The following PRDM5 variants were observed in gnomAD, a reference collection of about 807,000 sequenced individuals.
PRDM5 encodes the protein PR domain zinc finger protein 5.
In PRDM5, 56 loss-of-function variants were observed where a neutral mutation model predicts 81.2. The ratio of observed to expected loss-of-function variants is 0.69; its 90% CI spans 0.56 to 0.86. The LOEUF is 0.86. PRDM5 is among the 40% of genes least tolerant of loss of function. PRDM5 has a pLI of 0.00. For missense variants in PRDM5, 697 were observed against 770.1 expected, an observed-to-expected ratio of 0.91 and a Z score of 1.12; for synonymous variants, 267 against 256.4, an observed-to-expected ratio of 1.04 and a Z score of -0.39.
intron 11 of PRDM5, among the ~76,000 whole-genome samples, chr4:120,784,395 A>G (rs1749464605): frequency 6.6e-6 from 1 of 152,142 alleles, no homozygotes; most frequent in Non-Finnish European, 1.5e-5. Context: ...AATTAATCCA[A>G]AAGAAAAAAA....
chr4:120,783,248 C>T (rs759435224), intron 11 of PRDM5, among the ~76,000 whole-genome samples: 30 of 152,038 alleles, frequency 2.0e-4, no homozygotes, highest in Non-Finnish European at 2.4e-4. Flanking sequence ...TAACTGATAT[C>T]TAACTTTATT....
intron 13 of PRDM5, among the ~76,000 whole-genome samples, chr4:120,771,573 T>C (rs1747304652): frequency 6.6e-6 from 1 of 152,212 alleles, no homozygotes; most frequent in Non-Finnish European, 1.5e-5. Flanking sequence ...TGATTTTAAG[T>C]ATGCCAAACA....
chr4:120,804,459 T>C (rs1454209220), intron 8 of PRDM5, among the ~76,000 whole-genome samples: 2 of 152,304 alleles, frequency 1.3e-5, no homozygotes, highest in East Asian at 3.9e-4. Flanking sequence ...AGTAAAGCAC[T>C]CCTCAGCAAA....
intron 3 of PRDM5, among the ~76,000 whole-genome samples, chr4:120,832,643 C>T (rs1428947535): frequency 1.3e-5 from 2 of 152,080 alleles, no homozygotes; most frequent in African/African-American, 4.8e-5. Flanking sequence ...ACTTTGCTCA[C>T]TGAAGGCTAT....
intron 14 of PRDM5, among the ~76,000 whole-genome samples, chr4:120,711,004 T>C (rs570754549): frequency 2.4e-4 from 37 of 152,314 alleles, no homozygotes; most frequent in South Asian, 6.2e-4. Flanking sequence ...AGTTTCAACA[T>C]TGGATTGTGC....
intron 3 of PRDM5, among the ~76,000 whole-genome samples, chr4:120,822,638 G>A (rs1755436347): frequency 6.6e-6 from 1 of 152,174 alleles, no homozygotes; most frequent in South Asian, 2.1e-4. Context: ...TTTGAGGATG[G>A]GAGAGGGGCT....
chr4:120,890,705 C>T (rs148369756), intron 2 of PRDM5, among the ~76,000 whole-genome samples: 1 of 152,312 alleles, frequency 6.6e-6, no homozygotes, highest in Non-Finnish European at 1.5e-5. Context: ...TTTTGATTTG[C>T]ATATCTCTAA....
chr4:120,888,651 A>G (rs1166631590), intron 2 of PRDM5, among the ~76,000 whole-genome samples: 3 of 152,178 alleles, frequency 2.0e-5, no homozygotes, highest in Admixed American at 6.5e-5. Flanking sequence ...TATCATATGC[A>G]TATATTCAGC....
intron 13 of PRDM5, among the ~76,000 whole-genome samples, chr4:120,772,520 C>T (rs368057847): frequency 1.2e-4 from 19 of 152,228 alleles, no homozygotes; most frequent in East Asian, 9.7e-4. Context: ...GTTGCAGCGG[C>T]GGCAGCAGCA....
At chr4:120,847,513 GT>G (rs1758794205) in intron 3 of PRDM5, among the ~76,000 whole-genome samples, 1 of 152,092 alleles carries the variant, frequency 6.6e-6, no homozygotes, top group Admixed American at 6.6e-5. Context: ...CTTCAATCAA[GT>G]TTTCCCTGGC....
At chr4:120,808,869 C>T (rs567210427) in intron 8 of PRDM5, among the ~76,000 whole-genome samples, 1 of 152,222 alleles carries the variant, frequency 6.6e-6, no homozygotes, top group South Asian at 2.1e-4. Context: ...AGTGAGGGGC[C>T]CACCTAGCCC....
At chr4:120,862,132 G>C (rs1760676094) in intron 2 of PRDM5, among the ~76,000 whole-genome samples, 1 of 152,066 alleles carries the variant, frequency 6.6e-6, no homozygotes, top group African/African-American at 2.4e-5. Flanking sequence ...CAGTTACTAA[G>C]GTAATTCTCA....
intron 2 of PRDM5, among the ~76,000 whole-genome samples, chr4:120,856,977 T>C (rs886192313): frequency 6.6e-6 from 1 of 152,186 alleles, no homozygotes; most frequent in Non-Finnish European, 1.5e-5. Context: ...GTCAACAGTC[T>C]CATCGTGTAG....
intron 2 of PRDM5, among the ~76,000 whole-genome samples, chr4:120,879,597 T>C (rs894874176): frequency 6.6e-6 from 1 of 152,220 alleles, no homozygotes; most frequent in African/African-American, 2.4e-5. Flanking sequence ...TTTCATTTTG[T>C]CTATCTTACT....
intron 11 of PRDM5, among the ~76,000 whole-genome samples, chr4:120,783,852 T>C (rs563645320): frequency 6.6e-6 from 1 of 152,244 alleles, no homozygotes; most frequent in South Asian, 2.1e-4. Flanking sequence ...TCAATACTTA[T>C]TTTAAGAAAT....
At chr4:120,917,545 A>G (rs1724329912) in intron 1 of PRDM5, among the ~76,000 whole-genome samples, 1 of 152,106 alleles carries the variant, frequency 6.6e-6, no homozygotes, top group Non-Finnish European at 1.5e-5. Context: ...CTATTTTCTT[A>G]ACTATTGTAC....
At chr4:120,913,360 A>T (rs1766735889) in intron 1 of PRDM5, among the ~76,000 whole-genome samples, 1 of 152,234 alleles carries the variant, frequency 6.6e-6, no homozygotes, top group South Asian at 2.1e-4. Flanking sequence ...AATGGCCACA[A>T]ACATCTTGTT....
intron 14 of PRDM5, among the ~76,000 whole-genome samples, chr4:120,738,738 A>G (rs1433160284): frequency 6.6e-6 from 1 of 152,194 alleles, no homozygotes; most frequent in Non-Finnish European, 1.5e-5. Flanking sequence ...CTGTCCATAA[A>G]TGTTTATCAT....
chr4:120,696,508 A>C (rs1424317119), intron 15 of PRDM5, among the ~76,000 whole-genome samples: 1 of 152,170 alleles, frequency 6.6e-6, no homozygotes, highest in Non-Finnish European at 1.5e-5. Flanking sequence ...CTCAATAAGT[A>C]TTTGTTGAAG....
Sources: allele counts gnomAD v4.1 joint callset (sites outside exome capture counted in the v4.1 genomes callset), GRCh38; gene constraint gnomAD v4.1.1; transcripts MANE v1.5; gene names NCBI Gene and HGNC (gene_info 2026-07-23, HGNC 2026-07-21).